GRM5: variants seen among roughly 807,000 people sequenced by gnomAD.
GRM5 encodes glutamate metabotropic receptor 5, also known as metabotropic glutamate receptor 5.
In GRM5, 19 loss-of-function variants were observed where a neutral mutation model predicts 83.1. That is an observed-to-expected ratio of 0.23 (90% confidence interval 0.16 to 0.34). The LOEUF is 0.34. Ranked by LOEUF, GRM5 falls within the 10% of genes least tolerant of loss-of-function variation. The probability of loss-of-function intolerance (pLI) is 1.00; values close to 1 mark genes in which losing one functional copy is unlikely to be tolerated. For synonymous variants in GRM5, 675 were observed against 633.6 expected, an observed-to-expected ratio of 1.07 and a Z score of -0.98; for missense variants, 1,160 against 1,588.3, an observed-to-expected ratio of 0.73 and a Z score of 4.58.
intron 3 of GRM5, among the ~76,000 whole-genome samples, chr11:88,723,474 T>C (rs570939505): frequency 6.6e-6 from 1 of 152,160 alleles, no homozygotes; most frequent in Non-Finnish European, 1.5e-5. Context: ...TATTCCAAAG[T>C]GGCTATGCCA....
chr11:88,767,258 A>C (rs1420940867), intron 3 of GRM5, among the ~76,000 whole-genome samples: 1 of 152,000 alleles, frequency 6.6e-6, no homozygotes, highest in African/African-American at 2.4e-5. Flanking sequence ...CATTGTGAAA[A>C]GCGGTGTGTC....
chr11:89,014,791 T>C (rs1201363700), intron 2 of GRM5, among the ~76,000 whole-genome samples: 4 of 152,194 alleles, frequency 2.6e-5, no homozygotes, highest in African/African-American at 9.7e-5. Context: ...ATGTAACCCA[T>C]AAATATATAT....
intron 2 of GRM5, among the ~76,000 whole-genome samples, chr11:88,945,398 G>A (rs1203982094): frequency 6.6e-6 from 1 of 151,740 alleles, no homozygotes; most frequent in Non-Finnish European, 1.5e-5. Flanking sequence ...ATGTAATGTA[G>A]CATTCATATG....
chr11:89,022,388 A>G (rs1480523566), intron 2 of GRM5, among the ~76,000 whole-genome samples: 3 of 151,964 alleles, frequency 2.0e-5, no homozygotes, highest in African/African-American at 7.3e-5. Flanking sequence ...CACGTCTGTA[A>G]TCCCAGCACT....
intron 3 of GRM5, among the ~76,000 whole-genome samples, chr11:88,777,216 A>C (rs1043474954): frequency 4.6e-5 from 7 of 152,010 alleles, no homozygotes; most frequent in Non-Finnish European, 7.4e-5. Flanking sequence ...CGTTTCTTCC[A>C]CCTGATTGAA....
At chr11:88,655,956 T>C (rs1041606277) in intron 3 of GRM5, among the ~76,000 whole-genome samples, 3 of 152,160 alleles carry the variant, frequency 2.0e-5, no homozygotes, top group African/African-American at 7.2e-5. Context: ...GGGTGCTGTA[T>C]TGACTTTAGC....
At chr11:88,885,233 C>T (rs1283838264) in intron 2 of GRM5, among the ~76,000 whole-genome samples, 1 of 151,632 alleles carries the variant, frequency 6.6e-6, no homozygotes, top group African/African-American at 2.4e-5. Flanking sequence ...AACCACAACT[C>T]AATGTGCAGA....
intron 3 of GRM5, among the ~76,000 whole-genome samples, chr11:88,690,189 G>C (rs968462361): frequency 6.6e-6 from 1 of 151,936 alleles, no homozygotes; most frequent in Non-Finnish European, 1.5e-5. Flanking sequence ...AGGCATCACA[G>C]TTTTATTATT....
chr11:89,060,475 G>A lies in GRM5; in HGVS notation c.-201+5301C>T, dbSNP rs140903395. Among the ~76,000 whole-genome samples the A allele has an allele frequency of 1.3e-4, 20 of 152,094 alleles. No homozygotes were observed. In the South Asian group the frequency reaches 1.9e-3, roughly 14 times the overall value. ...GTTCTTTGACAGTAGAATAAAAAACGTAGTTTTTATAACTGAAAAGGAAAA... is the reference window on the plus strand; with the variant it reads ...GTTCTTTGACAGTAGAATAAAAAACATAGTTTTTATAACTGAAAAGGAAAA... On this transcript the variant is annotated intron_variant, in intron 1 of 9. Transcript: ENST00000305447.
At chr11:88,997,099 T>C (rs1299100991) in intron 2 of GRM5, among the ~76,000 whole-genome samples, 1 of 151,494 alleles carries the variant, frequency 6.6e-6, no homozygotes, top group Non-Finnish European at 1.5e-5. Context: ...CTGAGGCAGG[T>C]AGATCACCTG....
At chr11:88,889,326 C>G (rs1408162174) in intron 2 of GRM5, among the ~76,000 whole-genome samples, 2 of 151,924 alleles carry the variant, frequency 1.3e-5, no homozygotes, top group African/African-American at 4.8e-5. Flanking sequence ...AGCCTACACC[C>G]AGGGATGGAC....
intron 3 of GRM5, among the ~76,000 whole-genome samples, chr11:88,815,288 T>C (rs527691103): frequency 2.9e-4 from 44 of 152,308 alleles, no homozygotes; most frequent in African/African-American, 9.4e-4. Flanking sequence ...TGAAAAATCT[T>C]CAATATTTGG....
intron 3 of GRM5, among the ~76,000 whole-genome samples, chr11:88,699,012 A>C (rs1002581515): frequency 6.6e-6 from 1 of 152,164 alleles, no homozygotes; most frequent in Admixed American, 6.6e-5. Context: ...AGTAAGGACT[A>C]TTGCTATTTC....
intron 3 of GRM5, among the ~76,000 whole-genome samples, chr11:88,801,906 G>T (rs1943403306): frequency 6.6e-6 from 1 of 152,070 alleles, no homozygotes; most frequent in South Asian, 2.1e-4. Flanking sequence ...AGTATGCTGA[G>T]CAGAGGTTAA....
intron 2 of GRM5, among the ~76,000 whole-genome samples, chr11:88,989,488 A>G (rs1939879233): frequency 8.1e-6 from 1 of 123,722 alleles, no homozygotes; most frequent in Non-Finnish European, 1.8e-5. Context: ...CAGGAATTGA[A>G]CTCAGCTCTG....
intron 2 of GRM5, among the ~76,000 whole-genome samples, chr11:88,891,526 A>G (rs1448316569): frequency 1.3e-5 from 2 of 149,964 alleles, no homozygotes; most frequent in Non-Finnish European, 3.0e-5. Flanking sequence ...GATTGCCAAA[A>G]TGATGTCCAG....
At chr11:88,699,732 C>G (rs943624676) in intron 3 of GRM5, among the ~76,000 whole-genome samples, 6 of 90,222 alleles carry the variant, frequency 6.7e-5, no homozygotes, top group African/African-American at 2.4e-4. Context: ...CTAGTAGACA[C>G]TAATTTGCTG....
intron 4 of GRM5, chr11:88,612,727 A>G (rs1189003316): frequency 6.6e-6 from 1 of 152,072 alleles, no homozygotes; most frequent in Non-Finnish European, 1.5e-5. Flanking sequence ...AGTGATGGTG[A>G]GCATTTCTTC....
chr11:88,639,239 G>C, intron 4 of GRM5, among the ~76,000 whole-genome samples: 1 of 152,196 alleles, frequency 6.6e-6, no homozygotes, highest in East Asian at 1.9e-4. Context: ...TGAATACTCC[G>C]CTGAATGCTC....
Sources: allele counts gnomAD v4.1 joint callset (sites outside exome capture counted in the v4.1 genomes callset), GRCh38; gene constraint gnomAD v4.1.1; transcripts MANE v1.5; gene names NCBI Gene and HGNC (gene_info 2026-07-23, HGNC 2026-07-21).